The following GPC5 variants were observed in gnomAD, a reference collection of about 807,000 sequenced individuals.
GPC5 encodes the protein glypican-5.
GPC5 carries 47 observed loss-of-function variants against 53.9 expected under a neutral mutation model. The observed-to-expected ratio is 0.87, with a 90% CI of 0.69 to 1.11. GPC5 has a LOEUF of 1.11. Ranked by LOEUF, GPC5 falls within the 50% of genes most tolerant of loss-of-function variation. The pLI, the probability that GPC5 is intolerant of heterozygous loss-of-function variation, is 0.00. For missense variants in GPC5, 748 were observed against 713.1 expected, an observed-to-expected ratio of 1.05 and a Z score of -0.56; for synonymous variants, 286 against 263.3, an observed-to-expected ratio of 1.09 and a Z score of -0.84.
chr13:92,522,404 G>A (rs1274113525), intron 7 of GPC5, among the ~76,000 whole-genome samples: 1 of 152,198 alleles, frequency 6.6e-6, no homozygotes, highest in African/African-American at 2.4e-5. Context: ...TTAAGAAAAT[G>A]TGGCGCATAT....
chr13:92,399,231 TA>T (rs1270480553), intron 7 of GPC5, among the ~76,000 whole-genome samples: 6 of 152,184 alleles, frequency 3.9e-5, no homozygotes, highest in Admixed American at 3.9e-4. Context: ...TAAATTAGGG[TA>T]CCTACTCTAA....
At position 91,496,467 on chromosome 13, in the gene GPC5, G is replaced by A. The variant is rs1374278020; in HGVS notation, c.325+47545G>A. On this transcript the variant is annotated intron_variant, in intron 2 of 7. Coordinates refer to ENST00000377067, the MANE Select transcript of GPC5 (RefSeq NM_004466.6). ...CAACCATAAAAAAGAATGAGGTCAT[G>A]TCATTTGCAGCAACATGAATGGAAC... Among the ~76,000 whole-genome samples the A allele has an allele frequency of 2.0e-5, 3 of 152,220 alleles. No individual in the cohort carries two copies. The South Asian group carries it at 6.2e-4, about 32-fold the overall frequency.
At chr13:92,269,142 G>A (rs1334356846) in intron 7 of GPC5, among the ~76,000 whole-genome samples, 1 of 151,786 alleles carries the variant, frequency 6.6e-6, no homozygotes, top group Non-Finnish European at 1.5e-5. Context: ...CTTTTCAAGG[G>A]CTTTACTCAA....
At chr13:92,031,363 T>C (rs1475306105) in intron 6 of GPC5, among the ~76,000 whole-genome samples, 1 of 152,006 alleles carries the variant, frequency 6.6e-6, no homozygotes, top group East Asian at 1.9e-4. Flanking sequence ...CCAAACTTTT[T>C]CATGTAATGA....
At chr13:92,498,365 A>C (rs1880055830) in intron 7 of GPC5, among the ~76,000 whole-genome samples, 1 of 152,028 alleles carries the variant, frequency 6.6e-6, no homozygotes, top group African/African-American at 2.4e-5. Context: ...CACTTGAGGC[A>C]TTTTTCCCTT....
intron 7 of GPC5, among the ~76,000 whole-genome samples, chr13:92,335,961 T>C (rs1202012688): frequency 6.6e-6 from 1 of 152,236 alleles, no homozygotes; most frequent in Non-Finnish European, 1.5e-5. Context: ...TATCTTCTTC[T>C]GAGCCCTCCA....
intron 5 of GPC5, among the ~76,000 whole-genome samples, chr13:91,828,459 C>T (rs184786270): frequency 3.7e-4 from 56 of 152,050 alleles, no homozygotes; most frequent in African/African-American, 1.3e-3. Context: ...AAGAGTACCT[C>T]ACAGCAATGT....
At chr13:91,523,175 C>G (rs556398959) in intron 2 of GPC5, among the ~76,000 whole-genome samples, 23 of 152,194 alleles carry the variant, frequency 1.5e-4, no homozygotes, top group African/African-American at 5.5e-4. Flanking sequence ...TTTTGGAAAG[C>G]AGAATGGAAG....
At chr13:92,124,784 T>C (rs1167960808) in intron 6 of GPC5, among the ~76,000 whole-genome samples, 1 of 152,140 alleles carries the variant, frequency 6.6e-6, no homozygotes, top group Non-Finnish European at 1.5e-5. Context: ...CTCTAGGTCA[T>C]TTAAGTATTT....
At chr13:92,666,398 A>G (rs546039741) in intron 7 of GPC5, among the ~76,000 whole-genome samples, 32 of 152,206 alleles carry the variant, frequency 2.1e-4, no homozygotes, top group Non-Finnish European at 3.1e-4. Context: ...AAATCAGTGA[A>G]TATTTAAGGA....
intron 7 of GPC5, among the ~76,000 whole-genome samples, chr13:92,695,294 T>C (rs1887526263): frequency 6.6e-6 from 1 of 152,218 alleles, no homozygotes. Context: ...ATTGTTAATT[T>C]AAGTTCCTTA....
intron 7 of GPC5, among the ~76,000 whole-genome samples, chr13:92,476,209 C>A (rs1437133340): frequency 6.6e-6 from 1 of 152,038 alleles, no homozygotes; most frequent in Non-Finnish European, 1.5e-5. Context: ...AAAAAACAAA[C>A]AACCCCATCA....
intron 6 of GPC5, among the ~76,000 whole-genome samples, chr13:92,143,576 C>T (rs1255426082): frequency 2.6e-5 from 4 of 152,014 alleles, no homozygotes; most frequent in African/African-American, 7.2e-5. Context: ...ACTTTGTTTG[C>T]AAAATGCTGA....
intron 7 of GPC5, among the ~76,000 whole-genome samples, chr13:92,342,391 A>C (rs578208455): frequency 6.6e-6 from 1 of 152,096 alleles, no homozygotes; most frequent in African/African-American, 2.4e-5. Context: ...CATTGTTTAA[A>C]CCCATCCCCA....
At chr13:92,363,270 G>T (rs775477345) in intron 7 of GPC5, among the ~76,000 whole-genome samples, 1 of 151,598 alleles carries the variant, frequency 6.6e-6, no homozygotes, top group Non-Finnish European at 1.5e-5. Context: ...GTGTTACTGG[G>T]CTACTGGATA....
intron 6 of GPC5, among the ~76,000 whole-genome samples, chr13:92,117,657 CA>C (rs1357525866): frequency 6.6e-6 from 1 of 151,966 alleles, no homozygotes; most frequent in Non-Finnish European, 1.5e-5. Context: ...TAATTTTTAT[CA>C]ATGTTTTGTA....
chr13:92,170,366 G>C (rs1190258697), intron 7 of GPC5, among the ~76,000 whole-genome samples: 2 of 149,150 alleles, frequency 1.3e-5, no homozygotes, highest in Non-Finnish European at 3.0e-5. Flanking sequence ...TTTTTTCTAA[G>C]ATAGGACTTC....
At chr13:92,276,326 T>G (rs2042875515) in intron 7 of GPC5, among the ~76,000 whole-genome samples, 1 of 152,146 alleles carries the variant, frequency 6.6e-6, no homozygotes, top group Non-Finnish European at 1.5e-5. Context: ...TCTTTCTGAT[T>G]TTCTCAGAAT....
At chr13:92,861,198 G>A (rs1879169898) in intron 7 of GPC5, among the ~76,000 whole-genome samples, 1 of 151,848 alleles carries the variant, frequency 6.6e-6, no homozygotes, top group African/African-American at 2.4e-5. Flanking sequence ...CCTACCAATT[G>A]GCACTTAATT....
Sources: gnomAD v4.1 joint callset for allele counts (sites outside exome capture counted in the v4.1 genomes callset) on GRCh38, gnomAD v4.1.1 for gene constraint, MANE v1.5 for transcripts, NCBI Gene and HGNC (gene_info 2026-07-23, HGNC 2026-07-21) for gene names.